Variants in ST3GAL3 observed in about 807,000 individuals in gnomAD.
ST3GAL3 encodes CMP-N-acetylneuraminate-beta-1,4-galactoside alpha-2,3-sialyltransferase.
A neutral mutation model predicts 50.1 loss-of-function variants in ST3GAL3; 21 were observed. The ratio of observed to expected loss-of-function variants is 0.42; its 90% CI spans 0.30 to 0.60. ST3GAL3 has a LOEUF of 0.60. Among genes scored for constraint, ST3GAL3 ranks in the 20% least tolerant of loss-of-function variants. The pLI is 0.19. For missense variants in ST3GAL3, 353 were observed against 489.4 expected (o/e 0.72, Z 2.63); for synonymous variants, 183 against 190.0 (o/e 0.96, Z 0.30).
chr1:43,906,255 TCC>T, intron 9 of ST3GAL3, among the ~76,000 whole-genome samples: 1 of 125,478 alleles, frequency 8.0e-6, no homozygotes, highest in Non-Finnish European at 1.7e-5. Flanking sequence ...CTGCCACTCT[TCC>T]CCTGACTCCT....
In ST3GAL3 at chr1:43,791,266, A is replaced by T. The variant is rs191214457; in HGVS notation, c.119-836A>T. ...CTCTTTTATCAGTTTCTAGTTAAATAGTTTGTTCTTTGGTAACATTTTTTT... is the reference window on the plus strand; with the variant it reads ...CTCTTTTATCAGTTTCTAGTTAAATTGTTTGTTCTTTGGTAACATTTTTTT... On this transcript the variant is annotated intron_variant, in intron 2 of 11. Transcript: ENST00000347631. 1.8e-3 allele frequency among the ~76,000 whole-genome samples: 272 copies of T among 152,288 alleles called. 2 individuals are homozygous for T. The highest frequency in any genetic ancestry group is 6.3e-3 in the African/African-American group (262 of 41,546).
chr1:43,815,719 G>C (rs2061150593), intron 4 of ST3GAL3, among the ~76,000 whole-genome samples: 1 of 152,112 alleles, frequency 6.6e-6, no homozygotes. Flanking sequence ...ATTTCACAGA[G>C]TTTTTGTAAG....
At chr1:43,885,361 C>T (rs1051475257) in intron 5 of ST3GAL3, among the ~76,000 whole-genome samples, 2 of 152,168 alleles carry the variant, frequency 1.3e-5, no homozygotes, top group Non-Finnish European at 2.9e-5. Flanking sequence ...GTGCAACTTC[C>T]GTCTCCTCCT....
intron 9 of ST3GAL3, chr1:43,919,065 G>GTTTTTTTTTTT (rs1427373785): frequency 2.0e-5 from 1 of 48,986 alleles, no homozygotes; most frequent in Non-Finnish European, 4.8e-5. Context: ...TCCTTTCTTT[G>GTTTTTTTTTTT]TTTCTTTTTT....
intron 2 of ST3GAL3, among the ~76,000 whole-genome samples, chr1:43,742,224 A>G (rs566597478): frequency 1.3e-3 from 193 of 152,274 alleles, no homozygotes; most frequent in African/African-American, 4.4e-3. Context: ...ACACTTTGTT[A>G]ACACCCCTGG....
chr1:43,844,775 C>G (rs1271355924), intron 5 of ST3GAL3, among the ~76,000 whole-genome samples: 1 of 151,122 alleles, frequency 6.6e-6, no homozygotes, highest in East Asian at 1.9e-4. Context: ...TGCAGTGAGC[C>G]AAGATCGTGC....
At chr1:43,708,134 T>G (rs866696419) in intron 1 of ST3GAL3, 1 of 152,184 alleles carries the variant, frequency 6.6e-6, no homozygotes, top group African/African-American at 2.4e-5. Context: ...AGAACTGGGG[T>G]CAGTTTGATC....
intron 2 of ST3GAL3, among the ~76,000 whole-genome samples, chr1:43,785,584 G>T (rs2057213140): frequency 6.6e-6 from 1 of 152,178 alleles, no homozygotes; most frequent in Non-Finnish European, 1.5e-5. Flanking sequence ...AGAACATTTT[G>T]AATCTAAAGT....
chr1:43,877,661 C>T (rs1323432500), intron 5 of ST3GAL3, among the ~76,000 whole-genome samples: 2 of 152,276 alleles, frequency 1.3e-5, no homozygotes, highest in Non-Finnish European at 2.9e-5. Flanking sequence ...TTCAGCAGCC[C>T]CCAGTTAGAA....
intron 9 of ST3GAL3, among the ~76,000 whole-genome samples, chr1:43,908,898 C>T (rs1340161558): frequency 6.6e-6 from 1 of 152,206 alleles, no homozygotes; most frequent in Non-Finnish European, 1.5e-5. Context: ...TCCCAAAGTG[C>T]TGGAATTACA....
At chr1:43,844,610 G>C (rs1483506180) in intron 5 of ST3GAL3, among the ~76,000 whole-genome samples, 1 of 152,128 alleles carries the variant, frequency 6.6e-6, no homozygotes, top group Non-Finnish European at 1.5e-5. Context: ...AGGAGATCAA[G>C]ACCATTCTGG....
At chr1:43,790,083 C>T (rs1252589596) in intron 2 of ST3GAL3, among the ~76,000 whole-genome samples, 1 of 152,156 alleles carries the variant, frequency 6.6e-6, no homozygotes, top group Admixed American at 6.5e-5. Flanking sequence ...ACCACATCCT[C>T]CAGCTCTCTG....
chr1:43,747,934 C>T (rs1215091906), intron 2 of ST3GAL3, among the ~76,000 whole-genome samples: 1 of 152,038 alleles, frequency 6.6e-6, no homozygotes, highest in African/African-American at 2.4e-5. Context: ...GACTAAATCA[C>T]TGGTCATTGG....
intron 2 of ST3GAL3, among the ~76,000 whole-genome samples, chr1:43,762,127 C>T (rs1572347116): frequency 1.3e-5 from 2 of 150,820 alleles, no homozygotes; most frequent in African/African-American, 4.9e-5. Flanking sequence ...AAAAATCAGT[C>T]GGATGTGGTG....
intron 2 of ST3GAL3, among the ~76,000 whole-genome samples, chr1:43,742,679 T>C (rs1681487902): frequency 6.6e-6 from 1 of 152,192 alleles, no homozygotes; most frequent in South Asian, 2.1e-4. Context: ...TGAATATATT[T>C]AAATAATTAA....
chr1:43,847,893 T>G (rs992231188), intron 5 of ST3GAL3, among the ~76,000 whole-genome samples: 2 of 152,212 alleles, frequency 1.3e-5, no homozygotes, highest in African/African-American at 4.8e-5. Context: ...TCTTCCTTTG[T>G]GTAAATACGT....
In ST3GAL3 at chr1:43,758,910, G is replaced by C. The variant is rs184426268; in HGVS notation, c.118+22530G>C. On this transcript the variant is annotated intron_variant, in intron 2 of 11. Coordinates refer to ENST00000347631, the MANE Select transcript of ST3GAL3 (RefSeq NM_006279.5). Reference sequence around the variant, plus strand: ...TTAAAAATCAGGCAGGCGTGGTGGCGTGTGCTTGTAGTCCTAGCTACTCAG... The same window carrying C: ...TTAAAAATCAGGCAGGCGTGGTGGCCTGTGCTTGTAGTCCTAGCTACTCAG... 1.5e-4 allele frequency among the ~76,000 whole-genome samples: 22 copies of C among 148,730 alleles called. No individual in the cohort carries two copies. The East Asian group carries it at 3.9e-3, about 26-fold the overall frequency.
In ST3GAL3 at chr1:43,920,904, C is replaced by G. The variant is rs149000966; in HGVS notation, c.1014C>G (p.Thr338=). ...TPNAPLHYYE[T]VRMAAIKESW... ...ACGCACCCCTGCACTACTATGAGAC[C>G]GTTCGCATGGCAGCCATCAAAGAGG... Residue 338 remains threonine (T), a synonymous_variant, in exon 11 of 12, where the codon ACC becomes ACG. Transcript: ENST00000347631. 185 of 1,613,696 alleles carry G rather than the reference C, an allele frequency of 1.1e-4. 2 individuals are homozygous for G. The African/African-American group carries it at 2.2e-3, about 20-fold the overall frequency.
intron 5 of ST3GAL3, among the ~76,000 whole-genome samples, chr1:43,870,941 A>G (rs2072556253): frequency 6.6e-6 from 1 of 152,168 alleles, no homozygotes; most frequent in Admixed American, 6.5e-5. Flanking sequence ...GTTTTCCCCA[A>G]CAGGCTTAGT....
Sources: allele counts gnomAD v4.1 joint callset (sites outside exome capture counted in the v4.1 genomes callset), GRCh38; gene constraint gnomAD v4.1.1; transcripts MANE v1.5; gene names NCBI Gene and HGNC (gene_info 2026-07-23, HGNC 2026-07-21).